Variants in SYBU observed in about 807,000 individuals in gnomAD.
SYBU encodes the protein GOLSYN A protein.
SYBU carries 21 observed loss-of-function variants against 35.9 expected under a neutral mutation model. That is an observed-to-expected ratio of 0.58 (90% CI 0.41 to 0.84). The LOEUF (loss-of-function observed/expected upper bound fraction) is 0.84. Among genes scored for constraint, SYBU ranks in the 40% least tolerant of loss-of-function variants. SYBU has a pLI of 0.00. For missense variants in SYBU, 768 were observed against 848.2 expected (o/e 0.91, Z 1.17); for synonymous variants, 319 against 324.3 (o/e 0.98, Z 0.18).
chr8:109,675,149 G>A (rs572555330), intron 1 of SYBU, among the ~76,000 whole-genome samples: 11 of 152,184 alleles, frequency 7.2e-5, no homozygotes, highest in African/African-American at 2.2e-4. Flanking sequence ...AGTGTGTAGA[G>A]GGAAATTTGT....
chr8:109,597,879 C>T lies in SYBU; in HGVS notation c.428-11717G>A, dbSNP rs947933201. Among the ~76,000 whole-genome samples, 10 of 152,170 alleles carry T rather than the reference C, an allele frequency of 6.6e-5. No individual in the cohort carries two copies. The South Asian group carries it at 1.0e-3, about 16-fold the overall frequency. Reference sequence around the variant, plus strand: ...TTTGTGAAGTTAAATGTCTGTTGAGCGAGTCAGGCAATTATGGGATAGATT... The same window carrying T: ...TTTGTGAAGTTAAATGTCTGTTGAGTGAGTCAGGCAATTATGGGATAGATT... On this transcript the variant is annotated intron_variant, in intron 3 of 6. Transcript: ENST00000276646.
At chr8:109,665,671 A>T (rs1052801700) in intron 1 of SYBU, among the ~76,000 whole-genome samples, 2 of 152,256 alleles carry the variant, frequency 1.3e-5, no homozygotes, top group African/African-American at 2.4e-5. Context: ...CATTTGTGAC[A>T]TTGAAACAAG....
intron 3 of SYBU, among the ~76,000 whole-genome samples, chr8:109,605,912 T>C (rs1826022673): frequency 6.6e-6 from 1 of 152,228 alleles, no homozygotes; most frequent in Non-Finnish European, 1.5e-5. Context: ...ATTTTAATCA[T>C]CACATTTTAA....
At chr8:109,635,152 C>T (rs1326837012) in intron 2 of SYBU, among the ~76,000 whole-genome samples, 4 of 152,222 alleles carry the variant, frequency 2.6e-5, no homozygotes, top group African/African-American at 9.7e-5. Flanking sequence ...ATCTCTTGCT[C>T]ACCACCAATT....
chr8:109,684,900 T>C (rs1184650165), upstream of SYBU, among the ~76,000 whole-genome samples: 2 of 152,342 alleles, frequency 1.3e-5, no homozygotes, highest in South Asian at 2.1e-4. Flanking sequence ...ATGACTTCTC[T>C]ACTGTTAATT....
chr8:109,577,346 T>C (rs924089780), intron 6 of SYBU, among the ~76,000 whole-genome samples: 1 of 150,562 alleles, frequency 6.6e-6, no homozygotes, highest in African/African-American at 2.4e-5. Context: ...TCAGATAAGA[T>C]CTCTTAAGCA....
intron 1 of SYBU, among the ~76,000 whole-genome samples, chr8:109,690,030 T>C (rs1817610900): frequency 6.6e-6 from 1 of 152,066 alleles, no homozygotes; most frequent in Non-Finnish European, 1.5e-5. Flanking sequence ...TCAATTATGA[T>C]ATCACCTTAA....
At chr8:109,612,408 C>T (rs2844241) in intron 3 of SYBU, among the ~76,000 whole-genome samples, 46,361 of 152,048 alleles carry the variant, frequency 0.3, 7,952 homozygotes, top group African/African-American at 0.45. Flanking sequence ...GGTTTGCTGC[C>T]GGAAGACCTT....
chr8:109,674,303 C>A (rs533275731), intron 1 of SYBU, among the ~76,000 whole-genome samples: 1 of 151,772 alleles, frequency 6.6e-6, no homozygotes, highest in South Asian at 2.1e-4. Context: ...AGGTTACTCA[C>A]AAAGGGAAGC....
chr8:109,607,941 C>T (rs1002150597), intron 3 of SYBU: 3 of 1,534,590 alleles, frequency 2.0e-6, no homozygotes, highest in Admixed American at 2.0e-5. Flanking sequence ...ACTTTCATGG[C>T]AAACATTGCC....
Position 109,575,575 on chromosome 8 carries a change from C to T in SYBU, c.1323G>A (p.Leu441=). Residue 441 remains leucine (L), a synonymous_variant, in exon 7 of 7, where the codon TTG becomes TTA. Transcript: ENST00000276646. ...TGGTGGCTGTCACTATCTCATCGAA[C>T]AAATCTGTGCTGTTGGCTATGCTAT... ...VGDSIANSTD[L]FDEIVTATTT... is the part of the protein sequence containing the mutation. 2 of 1,614,144 alleles carry T rather than the reference C, an allele frequency of 1.2e-6. No homozygotes were observed. Among genetic ancestry groups the T allele is most frequent in the Non-Finnish European group, 1.7e-6 (2 of 1,180,030 alleles).
intron 1 of SYBU, among the ~76,000 whole-genome samples, chr8:109,660,497 T>G (rs1816521476): frequency 6.6e-6 from 1 of 152,202 alleles, no homozygotes; most frequent in South Asian, 2.1e-4. Context: ...TGAAAATATA[T>G]TTCCAAGTAT....
chr8:109,605,201 C>A (rs1265951268), intron 3 of SYBU, among the ~76,000 whole-genome samples: 7 of 152,266 alleles, frequency 4.6e-5, no homozygotes, highest in Middle Eastern at 6.8e-3. Context: ...TGACTAATAA[C>A]AATGGAATAG....
rs764272355 is a variant in SYBU, at chr8:109,575,393, A to C, written c.1505T>G (p.Leu502Arg). 2 of 1,614,046 alleles carry C rather than the reference A, an allele frequency of 1.2e-6. No homozygotes were observed. Among genetic ancestry groups the C allele is most frequent in the South Asian group, 2.2e-5 (2 of 91,080 alleles). ...GAGCTTCTGCAGCACACTCTGAATG[A>C]GCTCTGAGATGGCTGGGCTGTAGGG... ...VVPYSPAISE[L>R]IQSVLQKLQD... The change falls in exon 7 of 7, where the codon CTC (leucine) becomes CGC (arginine). Residue 502 changes from leucine (L) to arginine (R), a missense_variant. By Grantham distance (102) the Leu-to-Arg change is moderately radical. Coordinates refer to ENST00000276646, the MANE Select transcript of SYBU (RefSeq NM_001099754.2).
At chr8:109,604,851 C>T (rs556078178) in intron 3 of SYBU, among the ~76,000 whole-genome samples, 162 of 152,348 alleles carry the variant, frequency 1.1e-3, no homozygotes, top group African/African-American at 3.4e-3. Context: ...TAGCCTTCAT[C>T]TTTCAAGAAC....
chr8:109,653,518 C>T (rs1030169312), intron 1 of SYBU, among the ~76,000 whole-genome samples: 12 of 152,216 alleles, frequency 7.9e-5, no homozygotes, highest in Middle Eastern at 3.4e-3. Flanking sequence ...TCCTATGACC[C>T]GAAGCTGAGC....
rs190665964 is a variant in SYBU, at chr8:109,675,025, G to T, written c.-129+5686C>A. ...CAACTACATGGAAACTGAACAACCTGCTCCTGAATGACCACTGGGTAAATA... is the reference window on the plus strand; with the variant it reads ...CAACTACATGGAAACTGAACAACCTTCTCCTGAATGACCACTGGGTAAATA... On this transcript the variant is annotated intron_variant, in intron 1 of 5. Transcript: ENST00000408889. Among the ~76,000 whole-genome samples, 1,360 of 152,250 alleles carry T rather than the reference G, an allele frequency of 8.9e-3. 28 individuals are homozygous for T. The highest frequency in any genetic ancestry group is 0.031 in the African/African-American group (1,306 of 41,534).
intron 2 of SYBU, among the ~76,000 whole-genome samples, chr8:109,626,013 C>T (rs1361358555): frequency 2.0e-5 from 3 of 152,098 alleles, no homozygotes; most frequent in Non-Finnish European, 2.9e-5. Flanking sequence ...ATTTTGATGT[C>T]TTAATTTACA....
intron 1 of SYBU, among the ~76,000 whole-genome samples, chr8:109,675,969 G>C (rs1817174304): frequency 1.3e-5 from 2 of 152,186 alleles, no homozygotes; most frequent in South Asian, 4.1e-4. Context: ...TCCCTGGGAT[G>C]CAAGGCTGGT....
Sources: gnomAD v4.1 joint callset for allele counts (sites outside exome capture counted in the v4.1 genomes callset) on GRCh38, gnomAD v4.1.1 for gene constraint, MANE v1.5 for transcripts, NCBI Gene and HGNC (gene_info 2026-07-23, HGNC 2026-07-21) for gene names.